Variants in NEDD4L observed in about 807,000 individuals in gnomAD.
NEDD4L encodes NEDD4 like E3 ubiquitin protein ligase.
In NEDD4L, 54 loss-of-function variants were observed where a neutral mutation model predicts 148.9. The ratio of observed to expected loss-of-function variants is 0.36; its 90% CI spans 0.29 to 0.45. The LOEUF (loss-of-function observed/expected upper bound fraction) is 0.45, where lower values mean the gene tolerates loss of function less well. NEDD4L is among the 20% of genes least tolerant of loss of function. The pLI, the probability that NEDD4L is intolerant of heterozygous loss-of-function variation, is 1.00. For missense variants in NEDD4L, 856 were observed against 1,233.8 expected (o/e 0.69, Z 4.59); for synonymous variants, 433 against 440.7 (o/e 0.98, Z 0.22).
intron 5 of NEDD4L, among the ~76,000 whole-genome samples, chr18:58,268,559 G>A (rs2050564796): frequency 6.6e-6 from 1 of 152,010 alleles, no homozygotes; most frequent in South Asian, 2.1e-4. Context: ...TCCTTGATGG[G>A]CTGAGGGCTT....
At chr18:58,171,903 G>T (rs1199908996) in intron 2 of NEDD4L, among the ~76,000 whole-genome samples, 2 of 152,182 alleles carry the variant, frequency 1.3e-5, no homozygotes, top group Non-Finnish European at 2.9e-5. Context: ...GAATCTGGGG[G>T]AGTCAATGAG....
At chr18:58,276,137 C>T (rs1002499264) in intron 5 of NEDD4L, among the ~76,000 whole-genome samples, 3 of 150,764 alleles carry the variant, frequency 2.0e-5, no homozygotes, top group Non-Finnish European at 2.9e-5. Flanking sequence ...TTTAAAACAA[C>T]CTAACGGAGT....
chr18:58,107,781 T>C (rs1320471932), intron 1 of NEDD4L, among the ~76,000 whole-genome samples: 5 of 152,016 alleles, frequency 3.3e-5, no homozygotes, highest in Non-Finnish European at 7.4e-5. Flanking sequence ...AGGACTTTTT[T>C]CCTCCCCTGC....
At chr18:58,192,971 G>A (rs2040278591) in intron 2 of NEDD4L, among the ~76,000 whole-genome samples, 1 of 152,222 alleles carries the variant, frequency 6.6e-6, no homozygotes, top group African/African-American at 2.4e-5. Flanking sequence ...ATGTGATCAT[G>A]TTCCAACACA....
intron 18 of NEDD4L, among the ~76,000 whole-genome samples, chr18:58,354,845 T>C (rs1014721985): frequency 6.6e-6 from 1 of 152,124 alleles, no homozygotes; most frequent in African/African-American, 2.4e-5. Context: ...CCTGAGAGAA[T>C]GGGTCACTTT....
At chr18:58,045,429 C>A in intron 1 of NEDD4L, 1 of 312,454 alleles carries the variant, frequency 3.2e-6, no homozygotes. Flanking sequence ...GAGAGGAAAG[C>A]TTAATTGATC....
chr18:58,310,093 C>T (rs2057512990), intron 5 of NEDD4L, among the ~76,000 whole-genome samples: 1 of 152,178 alleles, frequency 6.6e-6, no homozygotes, highest in Admixed American at 6.5e-5. Context: ...ACTTTTTAAA[C>T]TTCAGTAATA....
At chr18:58,271,964 T>C (rs1294042390) in intron 5 of NEDD4L, among the ~76,000 whole-genome samples, 1 of 152,220 alleles carries the variant, frequency 6.6e-6, no homozygotes, top group Non-Finnish European at 1.5e-5. Context: ...GAAATGAGAT[T>C]GTCAGCAAAT....
chr18:58,173,093 G>C (rs1202210842), intron 2 of NEDD4L, among the ~76,000 whole-genome samples: 1 of 152,138 alleles, frequency 6.6e-6, no homozygotes, highest in Non-Finnish European at 1.5e-5. Context: ...TAGGATAGCT[G>C]TTCAAATTTC....
intron 1 of NEDD4L, among the ~76,000 whole-genome samples, chr18:58,118,095 A>G (rs1228577430): frequency 6.6e-6 from 1 of 152,212 alleles, no homozygotes; most frequent in Admixed American, 6.5e-5. Context: ...CTTTTCCTTC[A>G]TGCAATAGCC....
At chr18:58,188,684 G>A (rs932457125) in intron 2 of NEDD4L, among the ~76,000 whole-genome samples, 2 of 152,240 alleles carry the variant, frequency 1.3e-5, no homozygotes, top group African/African-American at 4.8e-5. Flanking sequence ...GGTGGCCAGG[G>A]CTTTGCACTA....
chr18:58,150,975 T>G (rs2086849039), intron 1 of NEDD4L, among the ~76,000 whole-genome samples: 1 of 152,216 alleles, frequency 6.6e-6, no homozygotes, highest in Non-Finnish European at 1.5e-5. Flanking sequence ...TTGGCACTGT[T>G]GGGAGTTTAG....
Position 58,341,126 on chromosome 18 carries a change from A to T in NEDD4L, c.1214A>T (p.Asn405Ile). Residue 405 changes from asparagine (N) to isoleucine (I), a missense_variant, in exon 14 of 31, where the codon AAT (asparagine) becomes ATT (isoleucine). Transcript: ENST00000400345. ...KDAKGRTYYV[N>I]HNNRTTTWTR... ...GCTAAGGGGCGCACATACTATGTCA[A>T]TCATAACAATCGAACCACAACTTGG... is the stretch of plus-strand genomic sequence containing the variant. The T allele has an allele frequency of 6.2e-7, 1 of 1,612,832 alleles. No homozygotes were observed. The highest frequency in any genetic ancestry group is 8.5e-7 in the Non-Finnish European group (1 of 1,179,520).
intron 2 of NEDD4L, among the ~76,000 whole-genome samples, chr18:58,196,004 A>C (rs1255697117): frequency 6.6e-6 from 1 of 152,204 alleles, no homozygotes; most frequent in Admixed American, 6.5e-5. Flanking sequence ...AGGGTGGTGC[A>C]GTCAAAAATT....
chr18:58,185,248 G>A (rs75874178), intron 2 of NEDD4L, among the ~76,000 whole-genome samples: 14,098 of 152,234 alleles, frequency 0.093, 886 homozygotes, highest in South Asian at 0.23. Flanking sequence ...TTCCCTGTAA[G>A]CTTTTGGTAG....
At chr18:58,095,421 G>T (rs528653869) in intron 1 of NEDD4L, among the ~76,000 whole-genome samples, 1 of 152,296 alleles carries the variant, frequency 6.6e-6, no homozygotes, top group South Asian at 2.1e-4. Flanking sequence ...AGTGGCAAAA[G>T]CTGCTGCTTA....
chr18:58,163,113 C>G (rs571852378), intron 1 of NEDD4L, among the ~76,000 whole-genome samples: 2 of 152,088 alleles, frequency 1.3e-5, no homozygotes, highest in East Asian at 1.9e-4. Context: ...GTTGCCCAGG[C>G]TAGAGTGCAG....
chr18:58,116,402 G>A (rs921620456), intron 1 of NEDD4L, among the ~76,000 whole-genome samples: 9 of 152,108 alleles, frequency 5.9e-5, no homozygotes, highest in African/African-American at 1.9e-4. Flanking sequence ...GTTTAGCTGC[G>A]GTTCTTCCAG....
intron 1 of NEDD4L, among the ~76,000 whole-genome samples, chr18:58,106,509 G>A (rs2145585759): frequency 6.6e-6 from 1 of 152,296 alleles, no homozygotes; most frequent in South Asian, 2.1e-4. Context: ...AGGCTGCCTG[G>A]TGAAGGGGGG....
Sources: allele counts gnomAD v4.1 joint callset (sites outside exome capture counted in the v4.1 genomes callset), GRCh38; gene constraint gnomAD v4.1.1; transcripts MANE v1.5; gene names NCBI Gene and HGNC (gene_info 2026-07-23, HGNC 2026-07-21).